FER: variants seen among roughly 807,000 people sequenced by gnomAD.
FER encodes FER tyrosine kinase, also known as tyrosine-protein kinase Fer.
FER carries 63 observed loss-of-function variants against 111.0 expected under a neutral mutation model. That is an observed-to-expected ratio of 0.57 (90% CI 0.46 to 0.70). The LOEUF (loss-of-function observed/expected upper bound fraction) is 0.70. FER is among the 30% of genes least tolerant of loss of function. The probability of loss-of-function intolerance (pLI) is 0.00; values close to 1 mark genes in which losing one functional copy is unlikely to be tolerated. For missense variants in FER, 914 were observed against 954.0 expected, an observed-to-expected ratio of 0.96 and a Z score of 0.55; for synonymous variants, 327 against 313.9, an observed-to-expected ratio of 1.04 and a Z score of -0.44.
intron 17 of FER, among the ~76,000 whole-genome samples, chr5:109,112,068 C>G (rs566764616): frequency 6.6e-6 from 1 of 151,806 alleles, no homozygotes; most frequent in South Asian, 2.1e-4. Flanking sequence ...GTTTTATTTG[C>G]TTTTTGTGGG....
intron 13 of FER, among the ~76,000 whole-genome samples, chr5:109,032,297 CTA>C (rs1419335617): frequency 6.6e-6 from 1 of 152,130 alleles, no homozygotes; most frequent in Non-Finnish European, 1.5e-5. Flanking sequence ...AGAAAAGAAA[CTA>C]TGTTTCTTTT....
chr5:108,865,649 G>A (rs547323551), intron 5 of FER, among the ~76,000 whole-genome samples: 66 of 152,134 alleles, frequency 4.3e-4, no homozygotes, highest in African/African-American at 1.5e-3. Context: ...TGAACAGGCA[G>A]CCTACAGAAT....
intron 17 of FER, among the ~76,000 whole-genome samples, chr5:109,131,288 A>G (rs1752332409): frequency 6.6e-6 from 1 of 152,150 alleles, no homozygotes; most frequent in African/African-American, 2.4e-5. Flanking sequence ...TTTTATTTTT[A>G]AAGATCTCTA....
At chr5:108,846,943 A>G (rs554281044) in intron 5 of FER, among the ~76,000 whole-genome samples, 1 of 151,932 alleles carries the variant, frequency 6.6e-6, no homozygotes, top group South Asian at 2.1e-4. Context: ...AGTCTTATTA[A>G]TCTTCTCAAA....
At chr5:108,927,967 A>G (rs1037896879) in intron 10 of FER, among the ~76,000 whole-genome samples, 2 of 152,204 alleles carry the variant, frequency 1.3e-5, no homozygotes, top group Non-Finnish European at 2.9e-5. Flanking sequence ...TTTACTTATG[A>G]ATTTCATTTC....
At chr5:108,923,366 C>A (rs916947087) in intron 10 of FER, among the ~76,000 whole-genome samples, 2 of 151,858 alleles carry the variant, frequency 1.3e-5, no homozygotes, top group African/African-American at 4.8e-5. Flanking sequence ...TTGATTGCAT[C>A]TAATTATAAA....
chr5:108,775,805 T>G (rs1753423696), intron 2 of FER, among the ~76,000 whole-genome samples: 1 of 152,304 alleles, frequency 6.6e-6, no homozygotes, highest in South Asian at 2.1e-4. Flanking sequence ...ATGAATGATA[T>G]TATTTTGGTA....
chr5:108,927,300 C>CCGGACTG (rs1356379944), intron 10 of FER, among the ~76,000 whole-genome samples: 13 of 119,026 alleles, frequency 1.1e-4, no homozygotes, highest in Admixed American at 1.1e-3. Context: ...GTCGCCCAGG[C>CCGGACTG]CGGACTGCGG....
intron 13 of FER, among the ~76,000 whole-genome samples, chr5:108,986,576 C>A (rs1280621173): frequency 1.3e-5 from 2 of 152,054 alleles, no homozygotes; most frequent in Non-Finnish European, 2.9e-5. Flanking sequence ...TTTATAGTTT[C>A]AGATCTTAAA....
intron 16 of FER, among the ~76,000 whole-genome samples, chr5:109,091,392 G>T (rs1746736915): frequency 1.3e-5 from 2 of 152,192 alleles, no homozygotes; most frequent in Admixed American, 1.3e-4. Context: ...AACCTTGGTG[G>T]TGTCCATATG....
At chr5:108,867,630 A>G (rs1764198967) in intron 5 of FER, 137 bp from the exon 6 acceptor site, 2 of 786,894 alleles carry the variant, frequency 2.5e-6, no homozygotes, top group South Asian at 1.7e-5. Context: ...AGCACATATT[A>G]TGTGTTCAAT....
intron 17 of FER, among the ~76,000 whole-genome samples, chr5:109,115,434 C>G (rs17450414): frequency 0.1 from 15,939 of 152,074 alleles, 849 homozygotes; most frequent in Non-Finnish European, 0.12. Flanking sequence ...CTAGGCAGTT[C>G]TAAGTGGAAA....
chr5:108,902,562 G>T (rs1045413614), intron 10 of FER, among the ~76,000 whole-genome samples: 10 of 152,204 alleles, frequency 6.6e-5, no homozygotes, highest in African/African-American at 2.4e-4. Flanking sequence ...ATGGGATGCA[G>T]TGTTTCTGAA....
intron 17 of FER, among the ~76,000 whole-genome samples, chr5:109,148,157 G>T (rs899740620): frequency 6.6e-6 from 1 of 151,908 alleles, no homozygotes; most frequent in East Asian, 1.9e-4. Flanking sequence ...TAATTATCCT[G>T]CAACTCCAAC....
At chr5:108,843,782 C>T (rs758130315) in intron 5 of FER, among the ~76,000 whole-genome samples, 2 of 151,938 alleles carry the variant, frequency 1.3e-5, no homozygotes. Context: ...CCACCTCAGC[C>T]TCCCAAAGTG....
At position 109,185,953 on chromosome 5, in the gene FER, G is replaced by GTAAGT. The variant is rs567332180; in HGVS notation, c.2204-245_2204-241dup. Among the ~76,000 whole-genome samples, 193 of 152,218 alleles carry GTAAGT rather than the reference G, an allele frequency of 1.3e-3. 1 individual carries two copies. The highest frequency in any genetic ancestry group is 4.6e-3 in the African/African-American group (190 of 41,548). Reference sequence around the variant, plus strand: ...TACTACAGGTCATTTTAACACAATGGTAAGTTTTTGTGTATCTAGACATAG... The same window carrying GTAAGT: ...TACTACAGGTCATTTTAACACAATGGTAAGTTAAGTTTTTGTGTATCTAGACATAG... On this transcript the variant is annotated intron_variant, in intron 18 of 19. Transcript: ENST00000281092.
chr5:109,058,400 T>A (rs1773910953), intron 16 of FER, among the ~76,000 whole-genome samples: 1 of 152,180 alleles, frequency 6.6e-6, no homozygotes, highest in Non-Finnish European at 1.5e-5. Flanking sequence ...TTTAATTGTT[T>A]GAATATGTTT....
At chr5:109,127,540 A>T (rs146816933) in intron 17 of FER, among the ~76,000 whole-genome samples, 6,942 of 151,990 alleles carry the variant, frequency 0.046, 230 homozygotes, top group South Asian at 0.083. Flanking sequence ...AGTAGCTGGG[A>T]TTACAGGCAC....
intron 12 of FER, 52 bp from the exon 13 acceptor site, chr5:108,959,173 T>C: frequency 6.4e-7 from 1 of 1,566,478 alleles, no homozygotes; most frequent in South Asian, 1.2e-5. Context: ...TGAATGTAGA[T>C]TTTCTAAAGC....
Sources: gnomAD v4.1 joint callset for allele counts (sites outside exome capture counted in the v4.1 genomes callset) on GRCh38, gnomAD v4.1.1 for gene constraint, MANE v1.5 for transcripts, NCBI Gene and HGNC (gene_info 2026-07-23, HGNC 2026-07-21) for gene names.